ESR1: variants seen among roughly 807,000 people sequenced by gnomAD.
The protein encoded by ESR1 is estrogen receptor 1, also known as estrogen receptor.
ESR1 carries 12 observed loss-of-function variants against 52.7 expected under a neutral mutation model. The observed-to-expected ratio is 0.23, with a 90% CI of 0.15 to 0.37. The LOEUF (loss-of-function observed/expected upper bound fraction) is 0.37. ESR1 is among the 10% of genes least tolerant of loss of function. The probability of loss-of-function intolerance (pLI) is 1.00; values close to 1 mark genes in which losing one functional copy is unlikely to be tolerated. For synonymous variants in ESR1, 305 were observed against 316.8 expected, an observed-to-expected ratio of 0.96 and a Z score of 0.39; for missense variants, 584 against 779.7, an observed-to-expected ratio of 0.75 and a Z score of 2.99.
chr6:151,990,760 C>G (rs542514571), intron 4 of ESR1, among the ~76,000 whole-genome samples: 75 of 152,116 alleles, frequency 4.9e-4, no homozygotes, highest in Non-Finnish European at 8.4e-4. Flanking sequence ...GTCTTCTCAA[C>G]CTTGGCAATG....
chr6:151,685,382 C>T (rs1158659438), intron 1 of ESR1, among the ~76,000 whole-genome samples: 1 of 151,960 alleles, frequency 6.6e-6, no homozygotes, highest in African/African-American at 2.4e-5. Flanking sequence ...ATCCACCCGC[C>T]TCGGCCTCCC....
intron 2 of ESR1, among the ~76,000 whole-genome samples, chr6:151,732,614 G>A (rs924018433): frequency 6.6e-5 from 10 of 152,012 alleles, no homozygotes; most frequent in Admixed American, 3.9e-4. Flanking sequence ...TAGTTGGATT[G>A]CCTTTTCAGT....
chr6:151,847,160 G>T (rs999960851), intron 2 of ESR1, among the ~76,000 whole-genome samples: 4 of 152,202 alleles, frequency 2.6e-5, no homozygotes, highest in Non-Finnish European at 5.9e-5. Flanking sequence ...GGTAGAGTCT[G>T]GTTATGGGTC....
chr6:151,937,134 A>G (rs181452448), intron 3 of ESR1, among the ~76,000 whole-genome samples: 4 of 152,334 alleles, frequency 2.6e-5, no homozygotes, highest in East Asian at 1.9e-4. Context: ...GTGGAAATTC[A>G]TGAATCTTAG....
intron 5 of ESR1, among the ~76,000 whole-genome samples, chr6:152,034,242 A>G (rs2045055250): frequency 6.6e-6 from 1 of 152,094 alleles, no homozygotes; most frequent in Admixed American, 6.6e-5. Flanking sequence ...TGCATATGTA[A>G]CAAACCTGCC....
intron 5 of ESR1, among the ~76,000 whole-genome samples, chr6:152,013,307 A>G (rs1214334346): frequency 2.0e-5 from 3 of 151,918 alleles, no homozygotes; most frequent in Non-Finnish European, 4.4e-5. Context: ...ACCAAGTGAT[A>G]TCAAGTTTGC....
At chr6:151,760,677 C>A (rs913760889) in intron 2 of ESR1, among the ~76,000 whole-genome samples, 1 of 152,172 alleles carries the variant, frequency 6.6e-6, no homozygotes, top group Non-Finnish European at 1.5e-5. Context: ...TCCTCCGAGG[C>A]GAGTTGCTGC....
At position 152,074,502 on chromosome 6, in the gene ESR1, G is replaced by A. The variant is rs376134168; in HGVS notation, c.1369+13378G>A. On this transcript the variant is annotated intron_variant, in intron 6 of 7. Coordinates refer to ENST00000206249, the MANE Select transcript of ESR1 (RefSeq NM_000125.4). ...TTATTTATACATTCACCTACTGAAG[G>A]ATGTGTTGGTTGCATCCAAGTTTTG... Among the ~76,000 whole-genome samples the A allele has an allele frequency of 3.5e-4, 54 of 152,294 alleles. 1 individual carries two copies. Among genetic ancestry groups the A allele is most frequent in the African/African-American group, 9.9e-4 (41 of 41,568 alleles).
intron 6 of ESR1, among the ~76,000 whole-genome samples, chr6:152,090,083 C>T (rs1184957944): frequency 6.6e-6 from 1 of 152,200 alleles, no homozygotes; most frequent in East Asian, 1.9e-4. Flanking sequence ...AGAAGAACCA[C>T]AATCATAGGA....
At chr6:151,810,240 A>G (rs2128163054) in intron 1 of ESR1, among the ~76,000 whole-genome samples, 1 of 152,272 alleles carries the variant, frequency 6.6e-6, no homozygotes, top group East Asian at 1.9e-4. Flanking sequence ...ATGATATTCA[A>G]ACACTCTTAG....
intron 1 of ESR1, among the ~76,000 whole-genome samples, chr6:151,831,630 G>A (rs571956790): frequency 2.9e-4 from 44 of 152,258 alleles, no homozygotes; most frequent in Admixed American, 7.2e-4. Flanking sequence ...TTGACTCCCT[G>A]TTTTCTGATT....
intron 6 of ESR1, among the ~76,000 whole-genome samples, chr6:152,120,525 C>T (rs11970277): frequency 0.046 from 6,995 of 152,132 alleles, 170 homozygotes; most frequent in South Asian, 0.069. Context: ...CGGCAAGAAG[C>T]CGAGTAGTAG....
chr6:151,749,767 T>C (rs1444387065), intron 2 of ESR1, among the ~76,000 whole-genome samples: 2 of 152,198 alleles, frequency 1.3e-5, no homozygotes, highest in East Asian at 3.8e-4. Flanking sequence ...GGCAGCTCGC[T>C]GTGCTACTCT....
rs556565315 is a variant in ESR1, at chr6:151,987,187, A to T, written c.1097-24469A>T. Among the ~76,000 whole-genome samples the T allele has an allele frequency of 2.0e-5, 3 of 152,068 alleles. No homozygotes were observed. In the South Asian group the frequency reaches 6.2e-4, roughly 32 times the overall value. Reference sequence around the variant, plus strand: ...TCTGCTGTGCTTGAGTGTCGTTGAGATGCTCCATCTCCTCCTACTGCACCC... The same window carrying T: ...TCTGCTGTGCTTGAGTGTCGTTGAGTTGCTCCATCTCCTCCTACTGCACCC... On this transcript the variant is annotated intron_variant, in intron 4 of 7. Coordinates refer to ENST00000206249, the MANE Select transcript of ESR1 (RefSeq NM_000125.4).
intron 5 of ESR1, among the ~76,000 whole-genome samples, chr6:152,025,129 T>C (rs1278943336): frequency 6.6e-6 from 1 of 151,716 alleles, no homozygotes; most frequent in African/African-American, 2.4e-5. Context: ...GGAATGAAGG[T>C]TATTGTCATT....
chr6:151,963,015 A>G (rs573744269), intron 4 of ESR1, among the ~76,000 whole-genome samples: 1 of 152,262 alleles, frequency 6.6e-6, no homozygotes, highest in East Asian at 1.9e-4. Flanking sequence ...TATTCATTAT[A>G]GGTTTTTTAA....
intron 6 of ESR1, among the ~76,000 whole-genome samples, chr6:152,109,380 T>C (rs988576375): frequency 6.6e-6 from 1 of 152,024 alleles, no homozygotes; most frequent in Non-Finnish European, 1.5e-5. Flanking sequence ...GTTAAAATAT[T>C]TGGGGCTGGG....
At chr6:151,965,331 C>A (rs1398802320) in intron 4 of ESR1, among the ~76,000 whole-genome samples, 1 of 151,942 alleles carries the variant, frequency 6.6e-6, no homozygotes, top group Non-Finnish European at 1.5e-5. Context: ...TTGCTTATTT[C>A]TTTGAATATC....
intron 5 of ESR1, among the ~76,000 whole-genome samples, chr6:152,038,603 A>G (rs1200816719): frequency 6.6e-6 from 1 of 152,232 alleles, no homozygotes; most frequent in Non-Finnish European, 1.5e-5. Flanking sequence ...TAAAGTTAAC[A>G]ACACTTAAAT....
Sources: allele counts gnomAD v4.1 joint callset (sites outside exome capture counted in the v4.1 genomes callset), GRCh38; gene constraint gnomAD v4.1.1; transcripts MANE v1.5; gene names NCBI Gene and HGNC (gene_info 2026-07-23, HGNC 2026-07-21).